The following CPAP variants were observed in gnomAD, a reference collection of about 807,000 sequenced individuals.
CPAP encodes centrosomal P4.1-associated protein.
the CPAP span, among the ~76,000 whole-genome samples, chr13:24,921,772 A>T: frequency 6.6e-6 from 1 of 152,198 alleles, no homozygotes; most frequent in Admixed American, 6.5e-5. Context: ...TACTAGACTG[A>T]CAAGTGCAAG....
At chr13:24,932,711 TCACA>T in the CPAP span, among the ~76,000 whole-genome samples, 1 of 151,906 alleles carries the variant, frequency 6.6e-6, no homozygotes, top group Non-Finnish European at 1.5e-5. Context: ...TGTTCTTGAG[TCACA>T]CAATCTGTAA....
the CPAP span, chr13:24,924,844 G>A: frequency 1.3e-5 from 2 of 151,972 alleles, no homozygotes; most frequent in Non-Finnish European, 1.5e-5. Flanking sequence ...GTAGTCTTCA[G>A]CACTCAACTT....
chr13:24,920,873 T>C, the CPAP span, among the ~76,000 whole-genome samples: 7 of 151,334 alleles, frequency 4.6e-5, no homozygotes, highest in African/African-American at 1.7e-4. Flanking sequence ...GTGATCCACC[T>C]GGCTTAGCCT....
chr13:24,888,543 T>C, the CPAP span, among the ~76,000 whole-genome samples: 1 of 152,122 alleles, frequency 6.6e-6, no homozygotes, highest in African/African-American at 2.4e-5. Flanking sequence ...CCAGATCAAG[T>C]GTTTGCAAGT....
chr13:24,908,583 A>T, the CPAP span, among the ~76,000 whole-genome samples: 2 of 144,392 alleles, frequency 1.4e-5, no homozygotes, highest in East Asian at 2.0e-4. Flanking sequence ...ACAGAGGAAG[A>T]CCCTGTCTCA....
At chr13:24,904,186 A>G in the CPAP span, 1 of 1,081,138 alleles carries the variant, frequency 9.2e-7, no homozygotes, top group African/African-American at 1.6e-5. Context: ...ATTAGAAACA[A>G]TGCTTCAAAC....
the CPAP span, among the ~76,000 whole-genome samples, chr13:24,918,556 T>C: frequency 1.3e-5 from 2 of 152,176 alleles, no homozygotes; most frequent in Non-Finnish European, 2.9e-5. Flanking sequence ...GTTATGTGTA[T>C]TATATATGGT....
At chr13:24,907,075 G>C in the CPAP span, 1 of 1,609,256 alleles carries the variant, frequency 6.2e-7, no homozygotes, top group South Asian at 1.1e-5. Context: ...TTAATCAGAA[G>C]AGCACAATTG....
At chr13:24,885,406 C>CA in the CPAP span, 5 of 1,546,974 alleles carry the variant, frequency 3.2e-6, no homozygotes, top group Non-Finnish European at 4.5e-6. Flanking sequence ...CAACACATTT[C>CA]AAGCAGCTAA....
At chr13:24,885,416 A>AT in the CPAP span, 1 of 1,481,752 alleles carries the variant, frequency 6.7e-7, no homozygotes, top group South Asian at 1.1e-5. Context: ...CAAGCAGCTA[A>AT]AACCTACTCT....
At chr13:24,903,915 C>A in the CPAP span, 1 of 1,613,968 alleles carries the variant, frequency 6.2e-7, no homozygotes, top group Non-Finnish European at 8.5e-7. Flanking sequence ...AACTTACAGA[C>A]CCAAACGTAC....
At chr13:24,919,790 G>C in the CPAP span, among the ~76,000 whole-genome samples, 1 of 151,904 alleles carries the variant, frequency 6.6e-6, no homozygotes, top group East Asian at 1.9e-4. Context: ...CTGAGACAGG[G>C]TCTCACAATG....
At chr13:24,908,022 CT>C in the CPAP span, 1 of 1,600,750 alleles carries the variant, frequency 6.2e-7, no homozygotes, top group Non-Finnish European at 8.6e-7. Flanking sequence ...CAATACCTTT[CT>C]TCAATATTAG....
At chr13:24,903,430 G>A in the CPAP span, among the ~76,000 whole-genome samples, 1 of 152,148 alleles carries the variant, frequency 6.6e-6, no homozygotes, top group African/African-American at 2.4e-5. Context: ...ATGGCCATGT[G>A]ACCACAGAGG....
At chr13:24,898,889 G>A in the CPAP span, among the ~76,000 whole-genome samples, 8 of 152,246 alleles carry the variant, frequency 5.3e-5, no homozygotes, top group South Asian at 1.7e-3. Flanking sequence ...ATAGTTAGTT[G>A]TGTCTTCTCT....
At chr13:24,906,149 G>C in the CPAP span, 3 of 1,613,710 alleles carry the variant, frequency 1.9e-6, no homozygotes, top group South Asian at 2.2e-5. Flanking sequence ...ATGACTAATG[G>C]GATCTGCCGG....
the CPAP span, chr13:24,908,169 T>A: frequency 7.4e-7 from 1 of 1,346,882 alleles, no homozygotes; most frequent in South Asian, 1.2e-5. Flanking sequence ...GAAAAGCATA[T>A]TAATGTCTTA....
chr13:24,911,947 TG>T, the CPAP span: 12 of 1,614,120 alleles, frequency 7.4e-6, no homozygotes, highest in Non-Finnish European at 1.0e-5. Context: ...AAAGCATACC[TG>T]GAAGTGTGCA....
the CPAP span, among the ~76,000 whole-genome samples, chr13:24,888,266 AAC>A: frequency 2.6e-5 from 4 of 152,182 alleles, no homozygotes; most frequent in African/African-American, 9.7e-5. Flanking sequence ...CATTAAAAAA[AAC>A]ACAAACTGAA....
Sources: allele counts gnomAD v4.1 joint callset (sites outside exome capture counted in the v4.1 genomes callset), GRCh38; gene constraint gnomAD v4.1.1; transcripts MANE v1.5; gene names NCBI Gene and HGNC (gene_info 2026-07-23, HGNC 2026-07-21).